BRD8: variants seen among roughly 807,000 people sequenced by gnomAD.
BRD8 encodes bromodomain containing 8.
In BRD8, 67 loss-of-function variants were observed where a neutral mutation model predicts 143.1. That is an observed-to-expected ratio of 0.47 (90% confidence interval 0.38 to 0.57). The LOEUF is 0.57. BRD8 is among the 20% of genes least tolerant of loss of function. The pLI is 0.00. For missense variants in BRD8, 1,103 were observed against 1,503.0 expected, an observed-to-expected ratio of 0.73 and a Z score of 4.40; for synonymous variants, 505 against 517.1, an observed-to-expected ratio of 0.98 and a Z score of 0.32.
chr5:138,157,022 G>A (rs1366507360), intron 20 of BRD8: 1 of 1,440,840 alleles, frequency 6.9e-7, no homozygotes, highest in Non-Finnish European at 9.1e-7. Context: ...CATAGCCCAT[G>A]GTTTCTGCCC....
intron 25 of BRD8, among the ~76,000 whole-genome samples, chr5:138,144,918 A>AAAAAAT (rs1554092109): frequency 1.1e-5 from 1 of 89,834 alleles, no homozygotes. Flanking sequence ...AAAAAAAAAA[A>AAAAAAT]ATATATATAT....
chr5:138,178,041 G>A (rs1056340675), intron 1 of BRD8, among the ~76,000 whole-genome samples: 1 of 152,078 alleles, frequency 6.6e-6, no homozygotes, highest in Non-Finnish European at 1.5e-5. Flanking sequence ...AACCCGAGCG[G>A]CCAGCCCCTC....
In BRD8 at chr5:138,164,853, G is replaced by A; in HGVS notation, c.1592C>T (p.Ala531Val). Reference sequence around the variant, plus strand: ...GAGTTCTGGTGGCTCCATACTTGTGGCTGGAACAACTCCAGCTACTATTTC... The same window carrying A: ...GAGTTCTGGTGGCTCCATACTTGTGACTGGAACAACTCCAGCTACTATTTC... Reference protein sequence around the residue: ...GAEIVAGVVPATSMEPPELRS... With the variant: ...GAEIVAGVVPVTSMEPPELRS... Residue 531 changes from alanine (A) to valine (V), a missense_variant, in exon 12 of 27, where the codon GCC becomes GTC. By Grantham distance (64) the Ala-to-Val change is moderately conservative. Coordinates refer to ENST00000254900, the MANE Select transcript of BRD8 (RefSeq NM_139199.2). The A allele has an allele frequency of 6.2e-7, 1 of 1,614,168 alleles. No individual in the cohort carries two copies. Among genetic ancestry groups the A allele is most frequent in the South Asian group, 1.1e-5 (1 of 91,084 alleles).
In BRD8 at chr5:138,172,146, G is replaced by A. The variant is rs1290564565; in HGVS notation, c.117-12C>T. ...TGCTAACTGATACCCTACAAAATGA[G>A]GAAAGCTTTATTACACACCAAGCAG... On this transcript the variant is annotated splice_polypyrimidine_tract_variant and intron_variant, in intron 2 of 26. Transcript: ENST00000254900. 2 of 1,609,616 alleles carry A rather than the reference G, an allele frequency of 1.2e-6. No individual in the cohort carries two copies. Among genetic ancestry groups the A allele is most frequent in the African/African-American group, 2.7e-5 (2 of 74,560 alleles).
At chr5:138,162,543 A>G (rs989905709) in intron 15 of BRD8, among the ~76,000 whole-genome samples, 1 of 152,078 alleles carries the variant, frequency 6.6e-6, no homozygotes, top group Non-Finnish European at 1.5e-5. Flanking sequence ...AAAGGGAAAC[A>G]CTAAAGAAAA....
At chr5:138,157,103 C>A in intron 20 of BRD8, 1 of 1,580,400 alleles carries the variant, frequency 6.3e-7, no homozygotes, top group Non-Finnish European at 8.5e-7. Flanking sequence ...GGCCCAGGTA[C>A]CTCCTCTTCT....
At chr5:138,168,588 G>A in intron 8 of BRD8, 1 of 1,605,218 alleles carries the variant, frequency 6.2e-7, no homozygotes, top group Non-Finnish European at 8.5e-7. Context: ...ATCTGTTACT[G>A]GGGTCATGGG....
chr5:138,167,893 T>G (rs1179946685), intron 9 of BRD8, 41 bp downstream of exon 9: 3 of 1,589,390 alleles, frequency 1.9e-6, no homozygotes, highest in Non-Finnish European at 1.7e-6. Flanking sequence ...AATGTCAAGT[T>G]CAACACCTTT....
At position 138,152,555 on chromosome 5, in the gene BRD8, T is replaced by C. The variant is rs1274686192; in HGVS notation, c.2783A>G (p.Asp928Gly). 6 of 1,614,178 alleles carry C rather than the reference T, an allele frequency of 3.7e-6. No homozygotes were observed. The highest frequency in any genetic ancestry group is 1.7e-5 in the Admixed American group (1 of 60,006). ...EREPSELLVGDGGSEESQEAA... is the reference protein window; with the variant it reads ...EREPSELLVGGGGSEESQEAA... Reference sequence around the variant, plus strand: ...TTCCTGAGATTCCTCACTGCCTCCATCCCCAACAAGCAGTTCACTAGGTTC... The same window carrying C: ...TTCCTGAGATTCCTCACTGCCTCCACCCCCAACAAGCAGTTCACTAGGTTC... Residue 928 changes from aspartate to glycine, a missense_variant, in exon 21 of 27, where the codon GAT (aspartate) becomes GGT (glycine). Coordinates refer to ENST00000254900, the MANE Select transcript of BRD8 (RefSeq NM_139199.2).
chr5:138,169,121 G>A, intron 8 of BRD8, 101 bp downstream of exon 8: 4 of 1,275,334 alleles, frequency 3.1e-6, no homozygotes, highest in Non-Finnish European at 4.3e-6. Context: ...CAGATCAAGA[G>A]AGGAAGTTGC....
intron 20 of BRD8, among the ~76,000 whole-genome samples, chr5:138,156,233 G>C (rs1477985140): frequency 6.6e-6 from 1 of 151,560 alleles, no homozygotes; most frequent in African/African-American, 2.4e-5. Context: ...TCCGCCTCCC[G>C]GGTTCAAGTG....
At chr5:138,166,886 C>T in intron 9 of BRD8, 159 bp from the exon 10 acceptor site, 2 of 590,516 alleles carry the variant, frequency 3.4e-6, no homozygotes, top group Non-Finnish European at 6.1e-6. Context: ...TTACTCTAAC[C>T]TTACTTAAGA....
chr5:138,170,195 A>G (rs1300926937), intron 7 of BRD8, 150 bp downstream of exon 7: 2 of 650,276 alleles, frequency 3.1e-6, no homozygotes, highest in Non-Finnish European at 2.7e-6. Context: ...GTTTCTTCTT[A>G]AGACATTAAG....
chr5:138,172,519 C>G (rs1311795416), intron 2 of BRD8, among the ~76,000 whole-genome samples: 3 of 42,984 alleles, frequency 7.0e-5, no homozygotes. Context: ...GAGACTCCAT[C>G]TCAAAAAAAA....
chr5:138,145,566 G>A (rs1194798251), intron 24 of BRD8, among the ~76,000 whole-genome samples: 1 of 152,166 alleles, frequency 6.6e-6, no homozygotes, highest in Non-Finnish European at 1.5e-5. Context: ...CATGTAGTAG[G>A]AACCAATTTC....
At chr5:138,165,235 C>G in intron 11 of BRD8, 69 bp from the exon 12 acceptor site, 2 of 1,499,094 alleles carry the variant, frequency 1.3e-6, no homozygotes, top group Non-Finnish European at 1.8e-6. Context: ...TTTGTTAGCA[C>G]CAAATGTGAT....
chr5:138,153,477 G>A (rs1426969127), intron 20 of BRD8, among the ~76,000 whole-genome samples: 1 of 151,846 alleles, frequency 6.6e-6, no homozygotes, highest in Non-Finnish European at 1.5e-5. Flanking sequence ...CTCTATTCAG[G>A]TGGCTCCCAA....
At chr5:138,178,560 A>AT in intron 1 of BRD8, 36 bp downstream of exon 1, 1 of 1,601,096 alleles carries the variant, frequency 6.2e-7, no homozygotes, top group Non-Finnish European at 8.6e-7. Context: ...TCGGATCTAC[A>AT]AAGGCCTTTC....
rs747021629 is a variant in BRD8, at chr5:138,145,185, C to T, written c.3429G>A (p.Val1143=). Residue 1143 remains valine, a synonymous_variant, in exon 25 of 27, where the codon GTG becomes GTA. Coordinates refer to ENST00000254900, the MANE Select transcript of BRD8 (RefSeq NM_139199.2). ...SERQAPGYKD[V]VKRPMDLTSL... ...ACCCCTTTTTCACTGACCTTTTCAC[C>T]ACATCCTTGTACCCTGGGGCCTGCC... 10 of 1,613,210 alleles carry T rather than the reference C, an allele frequency of 6.2e-6. No individual in the cohort carries two copies. The highest frequency in any genetic ancestry group is 4.0e-5 in the African/African-American group (3 of 74,844).
Sources: allele counts gnomAD v4.1 joint callset (sites outside exome capture counted in the v4.1 genomes callset), GRCh38; gene constraint gnomAD v4.1.1; transcripts MANE v1.5; gene names NCBI Gene and HGNC (gene_info 2026-07-23, HGNC 2026-07-21).